POLDIP3: variants seen among roughly 807,000 people sequenced by gnomAD.
The protein encoded by POLDIP3 is DNA polymerase delta interacting protein 3.
A neutral mutation model predicts 45.1 loss-of-function variants in POLDIP3; 14 were observed. That is an observed-to-expected ratio of 0.31 (90% CI 0.20 to 0.49). The LOEUF is 0.49. Among genes scored for constraint, POLDIP3 ranks in the 20% least tolerant of loss-of-function variants. POLDIP3 has a pLI of 0.99. For missense variants in POLDIP3, 511 were observed against 538.8 expected, an observed-to-expected ratio of 0.95 and a Z score of 0.51; for synonymous variants, 223 against 205.2, an observed-to-expected ratio of 1.09 and a Z score of -0.74.
At position 42,591,982 on chromosome 22, in the gene POLDIP3, T is replaced by C; in HGVS notation, c.994A>G (p.Lys332Glu). Residue 332 changes from lysine to glutamate, a missense_variant, in exon 7 of 9, where the codon AAG (lysine) becomes GAG (glutamate). Lys to Glu is a moderately conservative substitution (Grantham distance 56). This residue lies in a region of POLDIP3 where 66 missense variants were observed against 118.1 expected (regional missense o/e 0.56). Coordinates refer to ENST00000252115, the MANE Select transcript of POLDIP3 (RefSeq NM_032311.5). ...TCCAGACACCGGTTGTTGTACTTCT[T>C]ATATGCGGTGATGGCATCGTCCTTT... is the stretch of plus-strand genomic sequence containing the variant. ...VKKDDAITAY[K>E]KYNNRCLDGQ... The C allele has an allele frequency of 6.2e-7, 1 of 1,614,192 alleles. No homozygotes were observed. Among genetic ancestry groups the C allele is most frequent in the Non-Finnish European group, 8.5e-7 (1 of 1,180,044 alleles).
At position 42,602,067 on chromosome 22, in the gene POLDIP3, T is replaced by C; in HGVS notation, c.451-11A>G. The stretch of plus-strand genomic sequence containing the variant: ...TTTCTGCTGTGGAACCTGGAAACAC[T>C]CAGTGGTCAGAATCCACCCCACAGG... On this transcript the variant is annotated splice_polypyrimidine_tract_variant and intron_variant, in intron 2 of 8. Coordinates refer to ENST00000252115, the MANE Select transcript of POLDIP3 (RefSeq NM_032311.5). 6.2e-7 allele frequency: 1 copy of C among 1,614,094 alleles called. No individual in the cohort carries two copies. The highest frequency in any genetic ancestry group is 8.5e-7 in the Non-Finnish European group (1 of 1,179,998).
chr22:42,611,792 G>A (rs1008319618), intron 1 of POLDIP3, among the ~76,000 whole-genome samples: 1 of 151,940 alleles, frequency 6.6e-6, no homozygotes, highest in Non-Finnish European at 1.5e-5. Flanking sequence ...CAGGAGAATC[G>A]CTTGAACCTG....
At position 42,597,774 on chromosome 22, in the gene POLDIP3, C is replaced by T. The variant is rs1029154108; in HGVS notation, c.634-1409G>A. 3.8e-5 allele frequency: 17 copies of T among 445,466 alleles called. No homozygotes were observed. In the East Asian group the frequency reaches 7.0e-4, roughly 18 times the overall value. The allele number at this position is 445,466 out of a possible 1,614,324, so 27.6% of individuals were successfully genotyped here. Reference sequence around the variant, plus strand: ...AACAAACTGGCATCATTCAGCTTCACGACCTCTTTTTTTTTTTTTTTTTTG... The same window carrying T: ...AACAAACTGGCATCATTCAGCTTCATGACCTCTTTTTTTTTTTTTTTTTTG... On this transcript the variant is annotated intron_variant, in intron 4 of 8. Coordinates refer to ENST00000252115, the MANE Select transcript of POLDIP3 (RefSeq NM_032311.5).
intron 4 of POLDIP3, among the ~76,000 whole-genome samples, chr22:42,598,893 T>C (rs1038284105): frequency 1.3e-5 from 2 of 152,242 alleles, no homozygotes; most frequent in African/African-American, 4.8e-5. Flanking sequence ...TGTTGTTTTC[T>C]TTCCTTCTCT....
chr22:42,593,341 T>A (rs574966213), intron 6 of POLDIP3, among the ~76,000 whole-genome samples: 1 of 152,320 alleles, frequency 6.6e-6, no homozygotes, highest in African/African-American at 2.4e-5. Flanking sequence ...CCTTTTAACA[T>A]TGCCTATTTG....
At position 42,585,985 on chromosome 22, in the gene POLDIP3, A is replaced by C. The variant is rs753678522; in HGVS notation, c.1089-17T>G. Reference sequence around the variant, plus strand: ...CTCAGCCGCCTGTGGAGAGCAGAGAAGAGTCAAAAATTCTTGTCAGTTTTT... The same window carrying C: ...CTCAGCCGCCTGTGGAGAGCAGAGACGAGTCAAAAATTCTTGTCAGTTTTT... On this transcript the variant is annotated splice_polypyrimidine_tract_variant and intron_variant, in intron 8 of 8. Transcript: ENST00000252115. 1.2e-5 allele frequency: 19 copies of C among 1,582,282 alleles called. No homozygotes were observed. In the African/African-American group the frequency reaches 2.2e-4, roughly 18 times the overall value.
Position 42,614,672 on chromosome 22 carries a change from G to C in POLDIP3, c.59+127C>G, listed in dbSNP as rs113058028. On this transcript the variant is annotated intron_variant, in intron 1 of 8. Transcript: ENST00000252115. ...GGGGACGGCGGCAGCCGGCCAATGA[G>C]GAGCGCGGCTGTGGTCGGGGGCGGG... The C allele has an allele frequency of 1.2e-4, 124 of 1,045,982 alleles. 1 individual carries two copies. In the African/African-American group the frequency reaches 2.0e-3, roughly 17 times the overall value. 64.8% of individuals were successfully genotyped at this position (1,045,982 alleles called of 1,614,324 possible). A position where few individuals can be genotyped will look rare whatever the true frequency, so the allele number is the denominator to read the frequency against.
In POLDIP3 at chr22:42,602,885, C is replaced by A. The variant is rs371489323; in HGVS notation, c.335G>T (p.Arg112Leu). Residue 112 changes from arginine to leucine, a missense_variant, in exon 2 of 9, where the codon CGC becomes CTC. Physicochemically the swap from Arg to Leu is moderately radical, Grantham distance 102. Transcript: ENST00000252115. ...CTTCTCCCGGGCATCAGCAACCTGGCGGGGCTTCTGGGGCACCGTGGTCTG... is the reference window on the plus strand; with the variant it reads ...CTTCTCCCGGGCATCAGCAACCTGGAGGGGCTTCTGGGGCACCGTGGTCTG... The part of the protein sequence containing the change: ...KQQTTVPQKP[R>L]QVADAREKIS... The A allele has an allele frequency of 6.2e-7, 1 of 1,613,632 alleles. No homozygotes were observed. Among genetic ancestry groups the A allele is most frequent in the Non-Finnish European group, 8.5e-7 (1 of 1,179,984 alleles).
At chr22:42,598,793 G>A (rs556578640) in intron 4 of POLDIP3, among the ~76,000 whole-genome samples, 2 of 152,322 alleles carry the variant, frequency 1.3e-5, no homozygotes, top group East Asian at 3.9e-4. Context: ...GCTGCCACAA[G>A]GACCCACCTA....
chr22:42,610,010 T>C (rs897010760), intron 1 of POLDIP3, among the ~76,000 whole-genome samples: 1 of 152,014 alleles, frequency 6.6e-6, no homozygotes, highest in Non-Finnish European at 1.5e-5. Flanking sequence ...CTGTCTCTAC[T>C]AAAAATACAA....
chr22:42,599,105 C>T (rs1434330353), intron 4 of POLDIP3, among the ~76,000 whole-genome samples: 1 of 152,218 alleles, frequency 6.6e-6, no homozygotes, highest in Admixed American at 6.5e-5. Context: ...AGAACACAGA[C>T]TCCCCACTGT....
chr22:42,585,972 T>C lies in POLDIP3; in HGVS notation c.1089-4A>G, dbSNP rs751241081. ...TGATGGGCTGTCACTCAGCCGCCTG[T>C]GGAGAGCAGAGAAGAGTCAAAAATT... On this transcript the variant is annotated splice_polypyrimidine_tract_variant and splice_region_variant and intron_variant, in intron 8 of 8. Transcript: ENST00000252115. 1.2e-6 allele frequency: 2 copies of C among 1,605,990 alleles called. No individual in the cohort carries two copies. The highest frequency in any genetic ancestry group is 1.7e-6 in the Non-Finnish European group (2 of 1,176,208).
chr22:42,598,905 C>A (rs1926169956), intron 4 of POLDIP3, among the ~76,000 whole-genome samples: 1 of 152,218 alleles, frequency 6.6e-6, no homozygotes, highest in African/African-American at 2.4e-5. Context: ...TCCTTCTCTG[C>A]ATGATGTCTG....
Position 42,614,825 on chromosome 22 carries a change from C to T in POLDIP3, c.33G>A (p.Arg11=), listed in dbSNP as rs1927384264. Residue 11 remains arginine, a synonymous_variant, in exon 1 of 9, where the codon AGG becomes AGA. Transcript: ENST00000252115. MADISLDELI[R]KRGAAAKGRL... ...GTCCTTTCGCCGCCGCCCCGCGCTT[C>T]CTGATGAGTTCGTCCAGGGAGATGT... 2 of 1,614,108 alleles carry T rather than the reference C, an allele frequency of 1.2e-6. No individual in the cohort carries two copies. Among genetic ancestry groups the T allele is most frequent in the Non-Finnish European group, 1.7e-6 (2 of 1,179,964 alleles).
In POLDIP3 at chr22:42,595,623, C is replaced by A. The variant is rs758705046; in HGVS notation, c.814-9G>T. Reference sequence around the variant, plus strand: ...AATGGGCTGAGAACAGGCTGCCACACAGACAAGAGCATTACCAGAAGCCAG... The same window carrying A: ...AATGGGCTGAGAACAGGCTGCCACAAAGACAAGAGCATTACCAGAAGCCAG... On this transcript the variant is annotated splice_polypyrimidine_tract_variant and intron_variant, in intron 5 of 8. Coordinates refer to ENST00000252115, the MANE Select transcript of POLDIP3 (RefSeq NM_032311.5). The A allele has an allele frequency of 7.4e-6, 12 of 1,612,790 alleles. No homozygotes were observed. Among genetic ancestry groups the A allele is most frequent in the Non-Finnish European group, 1.0e-5 (12 of 1,179,194 alleles).
intron 1 of POLDIP3, among the ~76,000 whole-genome samples, chr22:42,607,626 C>A (rs989745936): frequency 1.0e-4 from 15 of 149,192 alleles, no homozygotes; most frequent in Non-Finnish European, 1.8e-4. Flanking sequence ...AAGTGAGGAG[C>A]GCCTCTTCCC....
chr22:42,583,725 A>G lies in POLDIP3; in HGVS notation c.*2066T>C, dbSNP rs1306585647. On this transcript the variant is annotated 3_prime_UTR_variant, in exon 9 of 9. Coordinates refer to ENST00000252115, the MANE Select transcript of POLDIP3 (RefSeq NM_032311.5). ...AAAAAAAAGATAACTCAAAGGTAGG[A>G]ATAACAAATGTTTATTCAGAAATGG... 2 of 152,486 alleles carry G rather than the reference A, an allele frequency of 1.3e-5. No homozygotes were observed. Among genetic ancestry groups the G allele is most frequent in the Non-Finnish European group, 2.9e-5 (2 of 68,140 alleles). 9.4% of individuals were successfully genotyped at this position (152,486 alleles called of 1,614,324 possible).
chr22:42,612,494 C>T (rs1349835916), intron 1 of POLDIP3, among the ~76,000 whole-genome samples: 1 of 152,174 alleles, frequency 6.6e-6, no homozygotes, highest in Non-Finnish European at 1.5e-5. Flanking sequence ...AAGATAATTA[C>T]CAGCCTTTGC....
At position 42,585,689 on chromosome 22, in the gene POLDIP3, A is replaced by G. The variant is rs1925260952; in HGVS notation, c.*102T>C. 1.4e-6 allele frequency: 2 copies of G among 1,382,010 alleles called. No individual in the cohort carries two copies. The highest frequency in any genetic ancestry group is 2.0e-6 in the Non-Finnish European group (2 of 1,011,496). The allele number at this position is 1,382,010 out of a possible 1,614,324, so 85.6% of individuals were successfully genotyped here. On this transcript the variant is annotated 3_prime_UTR_variant, in exon 9 of 9. Coordinates refer to ENST00000252115, the MANE Select transcript of POLDIP3 (RefSeq NM_032311.5). ...TTTATCCCTGGCAACCCTTCCCACAATCAGGGGTCTCCAGTCCGATGGCCC... is the reference window on the plus strand; with the variant it reads ...TTTATCCCTGGCAACCCTTCCCACAGTCAGGGGTCTCCAGTCCGATGGCCC...
Sources: gnomAD v4.1 joint callset for allele counts (sites outside exome capture counted in the v4.1 genomes callset) on GRCh38, gnomAD v4.1.1 for gene constraint, gnomAD v4.1.1 regional missense constraint, MANE v1.5 for transcripts, NCBI Gene and HGNC (gene_info 2026-07-23, HGNC 2026-07-21) for gene names.